The following NRG1 variants were observed in gnomAD, a reference collection of about 807,000 sequenced individuals.
NRG1 encodes neuregulin 1, also known as pro-neuregulin-1, membrane-bound isoform.
NRG1 carries 18 observed loss-of-function variants against 63.8 expected under a neutral mutation model. That is an observed-to-expected ratio of 0.28 (90% CI 0.19 to 0.42). The LOEUF (loss-of-function observed/expected upper bound fraction) is 0.42. NRG1 is among the 10% of genes least tolerant of loss of function. The pLI, the probability that NRG1 is intolerant of heterozygous loss-of-function variation, is 1.00. For missense variants in NRG1, 762 were observed against 814.7 expected, an observed-to-expected ratio of 0.94 and a Z score of 0.79; for synonymous variants, 302 against 301.3, an observed-to-expected ratio of 1.00 and a Z score of -0.02.
chr8:32,412,978 A>C (rs1815325323), intron 1 of NRG1, among the ~76,000 whole-genome samples: 1 of 152,170 alleles, frequency 6.6e-6, no homozygotes, highest in African/African-American at 2.4e-5. Context: ...TAGACTGGTT[A>C]AGTTCCTCGC....
chr8:32,061,863 C>A (rs1224387192), intron 1 of NRG1: 1 of 151,814 alleles, frequency 6.6e-6, no homozygotes, highest in African/African-American at 2.4e-5. Context: ...TTCTTTGTTG[C>A]GTCATATTAA....
intron 1 of NRG1, among the ~76,000 whole-genome samples, chr8:32,247,401 T>G (rs1848689006): frequency 6.6e-6 from 1 of 152,122 alleles, no homozygotes; most frequent in Admixed American, 6.6e-5. Context: ...TCTTCTGAGT[T>G]GGCAATGACT....
intron 1 of NRG1, among the ~76,000 whole-genome samples, chr8:32,157,383 CG>C (rs1838226442): frequency 7.2e-6 from 1 of 138,464 alleles, no homozygotes; most frequent in East Asian, 2.3e-4. Flanking sequence ...AAAAAAAGGC[CG>C]GGCATGGCGG....
chr8:31,659,655 C>T (rs571496279), intron 1 of NRG1, among the ~76,000 whole-genome samples: 1 of 152,304 alleles, frequency 6.6e-6, no homozygotes, highest in Non-Finnish European at 1.5e-5. Flanking sequence ...ACTCCCCAAT[C>T]TGCCAGACTC....
chr8:31,810,785 C>T (rs1822806033), intron 1 of NRG1, among the ~76,000 whole-genome samples: 1 of 152,104 alleles, frequency 6.6e-6, no homozygotes, highest in African/African-American at 2.4e-5. Flanking sequence ...GAAACATGAC[C>T]AGGGTATGGG....
chr8:32,003,988 T>G (rs1813346509), intron 1 of NRG1, among the ~76,000 whole-genome samples: 1 of 151,998 alleles, frequency 6.6e-6, no homozygotes, highest in African/African-American at 2.4e-5. Flanking sequence ...TTTGACCACT[T>G]AAGATGTGCT....
chr8:32,238,309 C>T (rs560224955), intron 1 of NRG1, among the ~76,000 whole-genome samples: 1 of 151,968 alleles, frequency 6.6e-6, no homozygotes, highest in South Asian at 2.1e-4. Context: ...TACTAAAAAT[C>T]TTAGCTGGGC....
At chr8:32,584,692 A>T (rs1485341222) in intron 1 of NRG1, among the ~76,000 whole-genome samples, 1 of 152,248 alleles carries the variant, frequency 6.6e-6, no homozygotes, top group East Asian at 1.9e-4. Flanking sequence ...CTGAAAGGAC[A>T]CATTTGTTTC....
chr8:32,582,067 C>CTTTATTTTATTTTATTTTATTTTAT (rs1840736940), intron 1 of NRG1, among the ~76,000 whole-genome samples: 1 of 25,848 alleles, frequency 3.9e-5, no homozygotes, highest in Non-Finnish European at 1.2e-4. Context: ...TAACCATGAA[C>CTTTATTTTATTTTATTTTATTTTAT]TCTATTTTAT....
chr8:32,310,075 C>T (rs1300313087), intron 1 of NRG1, among the ~76,000 whole-genome samples: 2 of 152,150 alleles, frequency 1.3e-5, no homozygotes, highest in African/African-American at 4.8e-5. Flanking sequence ...AGTGCCCGCT[C>T]TCTGCAGGGC....
At chr8:32,398,257 C>T (rs888114416) in intron 1 of NRG1, among the ~76,000 whole-genome samples, 5 of 152,246 alleles carry the variant, frequency 3.3e-5, no homozygotes, top group Admixed American at 2.6e-4. Flanking sequence ...AGTTGTACAG[C>T]GCAGCCTTCC....
intron 5 of NRG1, among the ~76,000 whole-genome samples, chr8:32,695,681 G>C (rs1188783433): frequency 6.6e-6 from 1 of 152,126 alleles, no homozygotes; most frequent in African/African-American, 2.4e-5. Context: ...CACTGTGCCG[G>C]GTATGTGTGG....
chr8:32,469,195 T>G (rs528784866), intron 1 of NRG1, among the ~76,000 whole-genome samples: 1 of 152,284 alleles, frequency 6.6e-6, no homozygotes, highest in South Asian at 2.1e-4. Flanking sequence ...ATAACAGTCA[T>G]GTGGCATCAT....
At chr8:32,002,286 A>T (rs1172336146) in intron 1 of NRG1, among the ~76,000 whole-genome samples, 1 of 152,014 alleles carries the variant, frequency 6.6e-6, no homozygotes, top group Non-Finnish European at 1.5e-5. Flanking sequence ...AGCCTCCCAA[A>T]GTGCTGGGAT....
upstream of NRG1, among the ~76,000 whole-genome samples, chr8:32,543,850 A>G (rs1288119912): frequency 3.3e-5 from 5 of 152,214 alleles, no homozygotes; most frequent in Non-Finnish European, 7.3e-5. Context: ...AATATTTGCC[A>G]AATGGAGGGT....
At chr8:31,744,301 C>T (rs993172006) in intron 1 of NRG1, among the ~76,000 whole-genome samples, 3 of 152,014 alleles carry the variant, frequency 2.0e-5, no homozygotes, top group East Asian at 1.9e-4. Flanking sequence ...AATGATTGAA[C>T]GTCTTTGCTT....
At chr8:32,581,371 G>A (rs1840599711) in intron 1 of NRG1, among the ~76,000 whole-genome samples, 1 of 152,184 alleles carries the variant, frequency 6.6e-6, no homozygotes, top group Admixed American at 6.5e-5. Flanking sequence ...TAAAGGTAGT[G>A]ATAACCCTGA....
At chr8:32,319,352 G>T (rs553939949) in intron 1 of NRG1, among the ~76,000 whole-genome samples, 3 of 152,200 alleles carry the variant, frequency 2.0e-5, no homozygotes, top group South Asian at 4.2e-4. Context: ...CCTTAAATTT[G>T]CCCAATAAGA....
chr8:32,671,907 G>A (rs1805741693), intron 5 of NRG1, among the ~76,000 whole-genome samples: 1 of 152,120 alleles, frequency 6.6e-6, no homozygotes, highest in African/African-American at 2.4e-5. Context: ...TCATTTTTGT[G>A]TTACTTTTCC....
Sources: gnomAD v4.1 joint callset for allele counts (sites outside exome capture counted in the v4.1 genomes callset) on GRCh38, gnomAD v4.1.1 for gene constraint, MANE v1.5 for transcripts, NCBI Gene and HGNC (gene_info 2026-07-23, HGNC 2026-07-21) for gene names.